The following EIPR1 variants were observed in gnomAD, a reference collection of about 807,000 sequenced individuals.
The protein encoded by EIPR1 is EARP and GARP complex-interacting protein 1.
EIPR1 carries 25 observed loss-of-function variants against 48.1 expected under a neutral mutation model. The observed-to-expected ratio is 0.52, with a 90% CI of 0.38 to 0.73. The LOEUF (loss-of-function observed/expected upper bound fraction) is 0.73, where lower values mean the gene tolerates loss of function less well. Ranked by LOEUF, EIPR1 falls within the 30% of genes least tolerant of loss-of-function variation. The pLI is 0.00. For synonymous variants in EIPR1, 204 were observed against 201.9 expected, an observed-to-expected ratio of 1.01 and a Z score of -0.09; for missense variants, 415 against 506.2, an observed-to-expected ratio of 0.82 and a Z score of 1.73.
At chr2:3,213,849 T>G (rs1665535760) in intron 5 of EIPR1, among the ~76,000 whole-genome samples, 1 of 152,212 alleles carries the variant, frequency 6.6e-6, no homozygotes, top group African/African-American at 2.4e-5. Context: ...ATTTATTAAT[T>G]TTTTTATTTT....
intron 3 of EIPR1, among the ~76,000 whole-genome samples, chr2:3,294,561 C>A (rs1416702993): frequency 6.8e-6 from 1 of 147,350 alleles, no homozygotes; most frequent in Non-Finnish European, 1.5e-5. Flanking sequence ...TACACACACC[C>A]TCCATCCAGC....
intron 4 of EIPR1, among the ~76,000 whole-genome samples, chr2:3,243,504 G>A (rs960489468): frequency 2.6e-5 from 4 of 152,000 alleles, no homozygotes; most frequent in Non-Finnish European, 5.9e-5. Flanking sequence ...GATGGCCCAC[G>A]CCTGTAGTCC....
At chr2:3,367,733 G>A (rs1337590088) in intron 1 of EIPR1, among the ~76,000 whole-genome samples, 1 of 152,132 alleles carries the variant, frequency 6.6e-6, no homozygotes, top group East Asian at 1.9e-4. Flanking sequence ...TCAATTCCAT[G>A]GATATAAAAA....
chr2:3,218,776 G>A (rs1261508971), intron 4 of EIPR1, among the ~76,000 whole-genome samples: 74 of 81,792 alleles, frequency 9.0e-4, no homozygotes, highest in South Asian at 5.0e-3. Flanking sequence ...ACTCTAGAGC[G>A]TTCACAGTGA....
intron 4 of EIPR1, among the ~76,000 whole-genome samples, chr2:3,235,321 C>T (rs923053844): frequency 3.3e-5 from 5 of 152,264 alleles, no homozygotes; most frequent in African/African-American, 9.6e-5. Context: ...AACCGGCCTT[C>T]ATCTGAAGAA....
rs73133113 is a variant in EIPR1, at chr2:3,248,825, T to C, written c.416+8474A>G. Among the ~76,000 whole-genome samples, 1,076 of 152,292 alleles carry C rather than the reference T, an allele frequency of 7.1e-3. 19 individuals are homozygous for C. The highest frequency in any genetic ancestry group is 0.025 in the African/African-American group (1,029 of 41,564). On this transcript the variant is annotated intron_variant, in intron 4 of 8. Coordinates refer to ENST00000382125, the MANE Select transcript of EIPR1 (RefSeq NM_003310.5). ...AAGAGTCTGGGACTTCCCCATTCTC[T>C]CTCTTGCTCCTATTCTCACCATGTG...
chr2:3,327,014 G>A (rs896213835), intron 3 of EIPR1, among the ~76,000 whole-genome samples: 2 of 152,194 alleles, frequency 1.3e-5, no homozygotes, highest in Admixed American at 6.5e-5. Context: ...GCAGGCAGCC[G>A]CGTCCAGGCC....
rs1478207282 is a variant in EIPR1 at position 3,199,071 on chromosome 2, C to T, written c.517-2054G>A. On this transcript the variant is annotated intron_variant, in intron 5 of 8. Coordinates refer to ENST00000382125, the MANE Select transcript of EIPR1 (RefSeq NM_003310.5). The stretch of plus-strand genomic sequence containing the variant: ...TGGCCATTTTAGAGGGCCCCCCCCC[C>T]GCCCCGGGAATGCATTCTTTTCCCG... Among the ~76,000 whole-genome samples, 19 of 50,466 alleles carry T rather than the reference C, an allele frequency of 3.8e-4. 5 individuals carry two copies. The highest frequency in any genetic ancestry group is 1.0e-3 in the African/African-American group (17 of 16,384). 33.1% of individuals were successfully genotyped at this position (50,466 alleles called of 152,430 possible).
At position 3,326,016 on chromosome 2, in the gene EIPR1, CA is replaced by C. The variant is rs544328202; in HGVS notation, c.259+12000del. ...TTCCAGTGGGCTTTGTTGCCTGTGC[CA>C]GGGGCTCCTGAGGCGGCTGCTCCCC... On this transcript the variant is annotated intron_variant, in intron 3 of 8. Transcript: ENST00000382125. Among the ~76,000 whole-genome samples, 5 of 152,324 alleles carry C rather than the reference CA, an allele frequency of 3.3e-5. No individual in the cohort carries two copies. In the East Asian group the frequency reaches 9.7e-4, roughly 29 times the overall value.
At chr2:3,363,987 A>T (rs1377383356) in intron 1 of EIPR1, among the ~76,000 whole-genome samples, 1 of 152,214 alleles carries the variant, frequency 6.6e-6, no homozygotes, top group Non-Finnish European at 1.5e-5. Flanking sequence ...AGATAGAATA[A>T]TTTTTATTAA....
At chr2:3,264,799 T>C (rs1461428305) in intron 3 of EIPR1, among the ~76,000 whole-genome samples, 1 of 152,220 alleles carries the variant, frequency 6.6e-6, no homozygotes, top group Non-Finnish European at 1.5e-5. Context: ...GCGATTCTCC[T>C]GCCTCAGCCT....
chr2:3,197,146 A>G, intron 5 of EIPR1, 129 bp from the exon 6 acceptor site: 1 of 1,116,504 alleles, frequency 9.0e-7, no homozygotes, highest in Non-Finnish European at 1.2e-6. Flanking sequence ...ATAATTAGGA[A>G]GCTCTGTCTT....
chr2:3,198,468 C>T lies in EIPR1; in HGVS notation c.517-1451G>A, dbSNP rs1480909472. ...ACATCTTCACCTCCCACTCCGAAAGCCTGCTCTGATGCTTAGGAAACATTT... is the reference window on the plus strand; with the variant it reads ...ACATCTTCACCTCCCACTCCGAAAGTCTGCTCTGATGCTTAGGAAACATTT... On this transcript the variant is annotated intron_variant, in intron 5 of 8. Transcript: ENST00000382125. Among the ~76,000 whole-genome samples, 5 of 152,332 alleles carry T rather than the reference C, an allele frequency of 3.3e-5. No individual in the cohort carries two copies. In the South Asian group the frequency reaches 8.3e-4, roughly 25 times the overall value.
rs944724171 is a variant in EIPR1 at position 3,312,042 on chromosome 2, G to A, written c.259+25975C>T. Among the ~76,000 whole-genome samples the A allele has an allele frequency of 2.0e-5, 3 of 152,134 alleles. No individual in the cohort carries two copies. Among genetic ancestry groups the A allele is most frequent in the African/African-American group, 7.2e-5 (3 of 41,432 alleles). On this transcript the variant is annotated intron_variant, in intron 3 of 8. Coordinates refer to ENST00000382125, the MANE Select transcript of EIPR1 (RefSeq NM_003310.5). The surrounding 1 kb of genome is among the most constrained non-coding windows in gnomAD (Gnocchi z 5.5). ...TACAAATGACACCCTCCACCCTATA[G>A]CTTTCATTGACCCAAGATAACTGTG...
chr2:3,286,214 G>C lies in EIPR1; in HGVS notation c.260-28759C>G, dbSNP rs1198335949. Among the ~76,000 whole-genome samples, 2 of 152,154 alleles carry C rather than the reference G, an allele frequency of 1.3e-5. No individual in the cohort carries two copies. The highest frequency in any genetic ancestry group is 2.4e-5 in the African/African-American group (1 of 41,420). ...TCAGAACCCATGAGCAGCACAAAAG[G>C]TTGTTTTTATGCTAATAAAAAAAAA... is the stretch of plus-strand genomic sequence containing the variant. On this transcript the variant is annotated intron_variant, in intron 3 of 8. Coordinates refer to ENST00000382125, the MANE Select transcript of EIPR1 (RefSeq NM_003310.5). The surrounding 1 kb of genome is among the most constrained non-coding windows in gnomAD (Gnocchi z 4.2).
At chr2:3,233,508 G>A (rs745617158) in intron 4 of EIPR1, among the ~76,000 whole-genome samples, 4 of 152,154 alleles carry the variant, frequency 2.6e-5, no homozygotes, top group Non-Finnish European at 5.9e-5. Context: ...CATTTCCCCC[G>A]GCATTCTCAG....
chr2:3,292,401 G>A (rs561366979), intron 3 of EIPR1, among the ~76,000 whole-genome samples: 93 of 152,098 alleles, frequency 6.1e-4, no homozygotes, highest in African/African-American at 2.2e-3. Context: ...ACAGACAGCC[G>A]GCTCTGTGCA....
At chr2:3,313,754 C>CTACA (rs1017396680) in intron 3 of EIPR1, among the ~76,000 whole-genome samples, 1 of 152,186 alleles carries the variant, frequency 6.6e-6, no homozygotes, top group African/African-American at 2.4e-5. Context: ...AGAAAAGTCA[C>CTACA]TGTAGGAGTC....
At chr2:3,246,215 C>T (rs949479203) in intron 4 of EIPR1, among the ~76,000 whole-genome samples, 19 of 152,218 alleles carry the variant, frequency 1.2e-4, no homozygotes, top group African/African-American at 4.3e-4. Flanking sequence ...TTTCTTACTA[C>T]TTATCCTCAA....
Sources: gnomAD v4.1 joint callset for allele counts (sites outside exome capture counted in the v4.1 genomes callset) on GRCh38, gnomAD v4.1.1 for gene constraint, Gnocchi (gnomAD v3.1) non-coding constraint, MANE v1.5 for transcripts, NCBI Gene and HGNC (gene_info 2026-07-23, HGNC 2026-07-21) for gene names.